The following FBXL17 variants were observed in gnomAD, a reference collection of about 807,000 sequenced individuals.
The protein encoded by FBXL17 is F-box/LRR-repeat protein 17.
A neutral mutation model predicts 66.2 loss-of-function variants in FBXL17; 22 were observed. The ratio of observed to expected loss-of-function variants is 0.33; its 90% CI spans 0.24 to 0.47. The LOEUF is 0.47. Ranked by LOEUF, FBXL17 falls within the 20% of genes least tolerant of loss-of-function variation. The pLI is 1.00. For synonymous variants in FBXL17, 474 were observed against 400.5 expected, an observed-to-expected ratio of 1.18 and a Z score of -2.19; for missense variants, 878 against 948.2, an observed-to-expected ratio of 0.93 and a Z score of 0.97.
At chr5:108,093,608 G>T (rs1240276102) in intron 6 of FBXL17, among the ~76,000 whole-genome samples, 2 of 152,056 alleles carry the variant, frequency 1.3e-5, no homozygotes, top group African/African-American at 2.4e-5. Context: ...TGCCTTAGAA[G>T]AATTTCCTTT....
intron 4 of FBXL17, among the ~76,000 whole-genome samples, chr5:108,308,949 T>C (rs1356682241): frequency 3.3e-5 from 5 of 151,954 alleles, no homozygotes; most frequent in African/African-American, 7.2e-5. Context: ...TAAAAGCAAA[T>C]ACCCTCCAGA....
chr5:108,201,093 T>C (rs1753875549), intron 5 of FBXL17, among the ~76,000 whole-genome samples: 1 of 152,166 alleles, frequency 6.6e-6, no homozygotes, highest in Admixed American at 6.6e-5. Flanking sequence ...TAACAGGGAA[T>C]TACTATGAAA....
chr5:108,357,118 A>G (rs1052098238), intron 3 of FBXL17, among the ~76,000 whole-genome samples: 3 of 152,048 alleles, frequency 2.0e-5, no homozygotes, highest in Non-Finnish European at 4.4e-5. Context: ...TTGAGAGAAA[A>G]AGTACTTAAA....
chr5:108,303,903 T>C (rs1423934011), intron 4 of FBXL17, among the ~76,000 whole-genome samples: 1 of 151,920 alleles, frequency 6.6e-6, no homozygotes, highest in South Asian at 2.1e-4. Flanking sequence ...TCAATAGATA[T>C]AACAACGTAA....
chr5:108,144,216 C>T (rs1437420713), intron 6 of FBXL17, among the ~76,000 whole-genome samples: 1 of 152,100 alleles, frequency 6.6e-6, no homozygotes, highest in African/African-American at 2.4e-5. Context: ...TTCCAGGTCA[C>T]ATTCTAATGC....
Position 107,861,863 on chromosome 5 carries a change from GCAAA to G in FBXL17, c.1966-7_1966-4del. 1.3e-6 allele frequency: 2 copies of G among 1,512,964 alleles called. No individual in the cohort carries two copies. Among genetic ancestry groups the G allele is most frequent in the Non-Finnish European group, 1.8e-6 (2 of 1,122,742 alleles). The allele number at this position is 1,512,964 out of a possible 1,614,324, so 93.7% of individuals were successfully genotyped here. On this transcript the variant is annotated splice_region_variant and splice_polypyrimidine_tract_variant and intron_variant, in intron 8 of 8. Coordinates refer to ENST00000542267, the MANE Select transcript of FBXL17 (RefSeq NM_001163315.3). ...TGTTCCACCGTCACTTCGTTGACCT[GCAAA>G]CAAAGAAGAGTCACCATCACGCACA...
chr5:108,226,765 G>A (rs888607550), intron 4 of FBXL17, among the ~76,000 whole-genome samples: 3 of 152,076 alleles, frequency 2.0e-5, no homozygotes, highest in African/African-American at 4.8e-5. Context: ...TCAGTGTAAC[G>A]GAGAATTGGT....
At chr5:107,934,382 T>G (rs1210710759) in intron 7 of FBXL17, among the ~76,000 whole-genome samples, 3 of 152,168 alleles carry the variant, frequency 2.0e-5, no homozygotes, top group Non-Finnish European at 2.9e-5. Context: ...TTCAAAATAG[T>G]CAATATGACA....
At chr5:108,106,096 C>T (rs1749785184) in intron 6 of FBXL17, among the ~76,000 whole-genome samples, 1 of 152,096 alleles carries the variant, frequency 6.6e-6, no homozygotes, top group African/African-American at 2.4e-5. Context: ...CTGGGACTCA[C>T]ACCAATTCTT....
intron 7 of FBXL17, among the ~76,000 whole-genome samples, chr5:107,918,973 G>C (rs1750221941): frequency 6.6e-6 from 1 of 152,268 alleles, no homozygotes; most frequent in East Asian, 1.9e-4. Context: ...TACTTTGTGG[G>C]AGAGGCTGTG....
intron 3 of FBXL17, among the ~76,000 whole-genome samples, chr5:108,361,270 CT>C (rs1748319998): frequency 6.6e-6 from 1 of 152,144 alleles, no homozygotes; most frequent in Non-Finnish European, 1.5e-5. Flanking sequence ...TTAATCAAGG[CT>C]TAGCTTGTGT....
chr5:108,032,274 C>T (rs1038230779), intron 6 of FBXL17, among the ~76,000 whole-genome samples: 4 of 151,792 alleles, frequency 2.6e-5, no homozygotes, highest in African/African-American at 9.7e-5. Context: ...ATGTAAAGTA[C>T]GTAGAGCAGC....
At chr5:107,881,717 G>C (rs562703207) in intron 7 of FBXL17, among the ~76,000 whole-genome samples, 2 of 152,302 alleles carry the variant, frequency 1.3e-5, no homozygotes, top group African/African-American at 4.8e-5. Context: ...TAGGAATTAA[G>C]AGTACATCAT....
At chr5:108,060,999 T>C (rs560575331) in intron 6 of FBXL17, among the ~76,000 whole-genome samples, 1 of 152,078 alleles carries the variant, frequency 6.6e-6, no homozygotes, top group East Asian at 1.9e-4. Context: ...TCAAAAAAAT[T>C]TTCCTGACCA....
intron 4 of FBXL17, among the ~76,000 whole-genome samples, chr5:108,346,922 A>G (rs1209639232): frequency 1.3e-5 from 2 of 152,168 alleles, no homozygotes; most frequent in Non-Finnish European, 2.9e-5. Context: ...TGACTATTAC[A>G]TAAAAATTAT....
chr5:108,355,107 G>A (rs1747893778), intron 3 of FBXL17, among the ~76,000 whole-genome samples: 2 of 150,530 alleles, frequency 1.3e-5, no homozygotes, highest in Admixed American at 6.6e-5. Flanking sequence ...GAATAATGAA[G>A]GTAAAATAAA....
At chr5:108,213,796 T>A (rs191581151) in intron 5 of FBXL17, among the ~76,000 whole-genome samples, 1 of 152,208 alleles carries the variant, frequency 6.6e-6, no homozygotes, top group African/African-American at 2.4e-5. Context: ...ACGTGTGTGG[T>A]GGTATTTTAA....
intron 6 of FBXL17, among the ~76,000 whole-genome samples, chr5:108,098,478 G>T: frequency 6.6e-6 from 1 of 152,142 alleles, no homozygotes; most frequent in Non-Finnish European, 1.5e-5. Flanking sequence ...GGGTGCAGTG[G>T]CTCATGCCTA....
chr5:107,872,033 A>G (rs1016071280), intron 8 of FBXL17, among the ~76,000 whole-genome samples: 2 of 152,224 alleles, frequency 1.3e-5, no homozygotes, highest in African/African-American at 4.8e-5. Context: ...ATCTTTCTAA[A>G]ATTGCCATTT....
Sources: allele counts gnomAD v4.1 joint callset (sites outside exome capture counted in the v4.1 genomes callset), GRCh38; gene constraint gnomAD v4.1.1; transcripts MANE v1.5; gene names NCBI Gene and HGNC (gene_info 2026-07-23, HGNC 2026-07-21).